ZNF785: variants seen among roughly 807,000 people sequenced by gnomAD.
ZNF785 encodes zinc finger protein 785.
Under a neutral mutation model 11.3 loss-of-function variants are expected in ZNF785, and 15 were observed. That is an observed-to-expected ratio of 1.32 (90% CI 0.89 to 2.04). ZNF785 has a LOEUF of 2.04. Among genes scored for constraint, ZNF785 ranks in the 30% most tolerant of loss-of-function variants. ZNF785 has a pLI of 0.00. For missense variants in ZNF785, 572 were observed against 560.9 expected, an observed-to-expected ratio of 1.02 and a Z score of -0.20; for synonymous variants, 221 against 231.0, an observed-to-expected ratio of 0.96 and a Z score of 0.39.
Position 30,585,455 on chromosome 16 carries a change from G to A in ZNF785, c.157C>T (p.Leu53=), listed in dbSNP as rs113006306. 1,370 of 1,603,170 alleles carry A rather than the reference G, an allele frequency of 8.5e-4. 18 individuals carry two copies. In the African/African-American group the frequency reaches 0.016, roughly 18 times the overall value. The change falls in exon 1 of 3, where the codon CTG becomes TTG. Residue 53 remains leucine (L), a synonymous_variant. Coordinates refer to ENST00000395216, the MANE Select transcript of ZNF785 (RefSeq NM_152458.7). This position sits in a 1 kb window ranked among gnomAD's most constrained non-coding sequence, Gnocchi z 4.0. ...WECLRPAQRA[L]YRDVMRETFG... ...GTCTCCCGCATCACGTCCCGGTACA[G>A]GGCCCTCTGCGCTGGCCGCAGGCAT...
At position 30,582,419 on chromosome 16, in the gene ZNF785, C is replaced by A; in HGVS notation, c.*141G>T. The A allele has an allele frequency of 8.1e-7, 1 of 1,232,506 alleles. No individual in the cohort carries two copies. The highest frequency in any genetic ancestry group is 1.1e-6 in the Non-Finnish European group (1 of 903,200). 76.3% of individuals were successfully genotyped at this position (1,232,506 alleles called of 1,614,324 possible). On this transcript the variant is annotated 3_prime_UTR_variant, in exon 3 of 3. Transcript: ENST00000395216. ...CAGATTCCTGCCTCCTCCCCACAGC[C>A]CTCTGTGCCCCTACCTCTGCTTTTT...
chr16:30,580,497 G>A (rs1284590984), downstream of ZNF785, among the ~76,000 whole-genome samples: 2 of 151,762 alleles, frequency 1.3e-5, no homozygotes, highest in South Asian at 2.1e-4. Flanking sequence ...TGGGACTACA[G>A]GCACCTGCCA....
rs1350865329 is a variant in ZNF785, at chr16:30,583,296, C to T, written c.482G>A (p.Trp161Ter). ...CNPRQSPMNPWLKDTLTRRLP... is the reference protein window; with the variant it reads ...CNPRQSPMNP Reference sequence around the variant, plus strand: ...TCTTCGGGTCAGAGTGTCCTTGAGCCAGGGATTCATGGGGCTCTGCCTAGG... The same window carrying T: ...TCTTCGGGTCAGAGTGTCCTTGAGCTAGGGATTCATGGGGCTCTGCCTAGG... The change falls in exon 3 of 3, where the codon TGG becomes TAG. Residue 161 changes from tryptophan to a stop codon, truncating the protein, a stop_gained. Coordinates refer to ENST00000395216, the MANE Select transcript of ZNF785 (RefSeq NM_152458.7). LOFTEE classifies it low-confidence loss of function (END_TRUNC). The T allele has an allele frequency of 1.2e-6, 2 of 1,613,940 alleles. No individual in the cohort carries two copies. Among genetic ancestry groups the T allele is most frequent in the African/African-American group, 1.3e-5 (1 of 75,038 alleles).
rs576516898 is a variant in ZNF785, at chr16:30,582,793, T to G, written c.985A>C (p.Ser329Arg). 1.6e-5 allele frequency: 26 copies of G among 1,606,936 alleles called. No individual in the cohort carries two copies. In the African/African-American group the frequency reaches 3.5e-4, roughly 21 times the overall value. ...CTGTCGGAGTGAATGCGCCGGTGAC[T>G]GAGGAGGAGGGAAGAATAGGTGAAG... ...RRFTYSSLLL[S>R]HRRIHSDSRP... The change falls in exon 3 of 3, where the codon AGT (serine) becomes CGT (arginine). Residue 329 changes from serine (S) to arginine (R), a missense_variant. Physicochemically the swap from Ser to Arg is moderately radical, Grantham distance 110. Coordinates refer to ENST00000395216, the MANE Select transcript of ZNF785 (RefSeq NM_152458.7).
chr16:30,582,758 G>C lies in ZNF785; in HGVS notation c.1020C>G (p.Phe340Leu), dbSNP rs752721935. ...HRRIHSDSRPFPCVECGKGFK... is the reference protein window; with the variant it reads ...HRRIHSDSRPLPCVECGKGFK... ...AGCCTTTCCCACACTCCACGCAGGG[G>C]AAGGGCCGGCTGTCGGAGTGAATGC... The change falls in exon 3 of 3, where the codon TTC (phenylalanine) becomes TTG (leucine). Residue 340 changes from phenylalanine (F) to leucine (L), a missense_variant. By Grantham distance (22) the Phe-to-Leu change is conservative. Transcript: ENST00000395216. 1 of 1,608,008 alleles carries C rather than the reference G, an allele frequency of 6.2e-7. No individual in the cohort carries two copies. Among genetic ancestry groups the C allele is most frequent in the South Asian group, 1.1e-5 (1 of 90,660 alleles).
In ZNF785 at chr16:30,585,530, C is replaced by G; in HGVS notation, c.82G>C (p.Ala28Pro). Reference protein sequence around the residue: ...PRRTRESRPGAVSFADVAVYF... With the variant: ...PRRTRESRPGPVSFADVAVYF... ...ACGGCCACGTCCGCGAAGCTCACGG[C>G]GCCCGGCCTGCTTTCCCTCGTCCTC... Residue 28 changes from alanine (A) to proline (P), a missense_variant, in exon 1 of 3, where the codon GCC becomes CCC. Transcript: ENST00000395216. This position sits in a 1 kb window ranked among gnomAD's most constrained non-coding sequence, Gnocchi z 4.0. 1 of 1,584,122 alleles carries G rather than the reference C, an allele frequency of 6.3e-7. No individual in the cohort carries two copies. The highest frequency in any genetic ancestry group is 8.6e-7 in the Non-Finnish European group (1 of 1,166,660).
chr16:30,582,889 A>C lies in ZNF785; in HGVS notation c.889T>G (p.Ser297Ala). The C allele has an allele frequency of 6.2e-7, 1 of 1,600,392 alleles. No individual in the cohort carries two copies. Among genetic ancestry groups the C allele is most frequent in the Non-Finnish European group, 8.5e-7 (1 of 1,176,236 alleles). Residue 297 changes from serine to alanine, a missense_variant, in exon 3 of 3, where the codon TCC becomes GCC. By Grantham distance (99) the Ser-to-Ala change is moderately conservative. Transcript: ENST00000395216. ...ATGCGCCTGTGGATGGCCAGCAGGGAGGTGTAGGCGAAACGGAGGCTGCAA... is the reference window on the plus strand; with the variant it reads ...ATGCGCCTGTGGATGGCCAGCAGGGCGGTGTAGGCGAAACGGAGGCTGCAA... Reference protein sequence around the residue: ...PDCSLRFAYTSLLAIHRRIHT... With the variant: ...PDCSLRFAYTALLAIHRRIHT...
In ZNF785 at chr16:30,582,912, C is replaced by A; in HGVS notation, c.866G>T (p.Cys289Phe). ...GGAGGTGTAGGCGAAACGGAGGCTG[C>A]AATCGGGGCAGCTGTAGGGCTTCTC... ...TGEKPYSCPD[C>F]SLRFAYTSLL... Residue 289 changes from cysteine to phenylalanine, a missense_variant, in exon 3 of 3, where the codon TGC becomes TTC. Cys to Phe is a radical substitution (Grantham distance 205). Transcript: ENST00000395216. 2 of 1,613,710 alleles carry A rather than the reference C, an allele frequency of 1.2e-6. No individual in the cohort carries two copies. The highest frequency in any genetic ancestry group is 1.7e-6 in the Non-Finnish European group (2 of 1,179,922).
chr16:30,585,077 G>A lies in ZNF785; in HGVS notation c.334+45C>T, dbSNP rs2051871584. 7.0e-6 allele frequency: 11 copies of A among 1,576,948 alleles called. No individual in the cohort carries two copies. The highest frequency in any genetic ancestry group is 8.6e-6 in the Non-Finnish European group (10 of 1,157,436). ...CGCTGAGGATGTGAGTGAGTTGGGG[G>A]CGGGGGTTGGGGCTTCTCCACGGCT... On this transcript the variant is annotated intron_variant, in intron 2 of 2. Transcript: ENST00000395216. This position sits in a 1 kb window ranked among gnomAD's most constrained non-coding sequence, Gnocchi z 4.0.
chr16:30,585,293 G>C lies in ZNF785; in HGVS notation c.206-43C>G, dbSNP rs1194900492. 1.2e-6 allele frequency: 2 copies of C among 1,608,634 alleles called. No individual in the cohort carries two copies. The highest frequency in any genetic ancestry group is 4.5e-5 in the East Asian group (2 of 44,778). ...TGGGCTCGGCTGAGCGCACGGGAGG[G>C]GAGAATGAGACTGCTCCCTCGGCGC... On this transcript the variant is annotated intron_variant, in intron 1 of 2. Coordinates refer to ENST00000395216, the MANE Select transcript of ZNF785 (RefSeq NM_152458.7). The surrounding 1 kb of genome is among the most constrained non-coding windows in gnomAD (Gnocchi z 4.0).
chr16:30,581,393 G>A lies in ZNF785; in HGVS notation c.*1167C>T, dbSNP rs2051806862. 6.7e-6 allele frequency: 1 copy of A among 150,306 alleles called. No homozygotes were observed. The highest frequency in any genetic ancestry group is 2.1e-4 in the South Asian group (1 of 4,754). The allele number at this position is 150,306 out of a possible 1,614,324, so 9.3% of individuals were successfully genotyped here. A position where few individuals can be genotyped will look rare whatever the true frequency, so the allele number is the denominator to read the frequency against. On this transcript the variant is annotated 3_prime_UTR_variant, in exon 3 of 3. Coordinates refer to ENST00000395216, the MANE Select transcript of ZNF785 (RefSeq NM_152458.7). ...GAGAATGGTGTGAACCCAGGAGGTG[G>A]AGCTTGCAGTGAGCGTAGCTTGGGC...
chr16:30,582,450 A>T lies in ZNF785; in HGVS notation c.*110T>A. 2.0e-6 allele frequency: 3 copies of T among 1,470,282 alleles called. No individual in the cohort carries two copies. The highest frequency in any genetic ancestry group is 2.7e-6 in the Non-Finnish European group (3 of 1,091,154). The allele number at this position is 1,470,282 out of a possible 1,614,324, so 91.1% of individuals were successfully genotyped here. A position where few individuals can be genotyped will look rare whatever the true frequency, so the allele number is the denominator to read the frequency against. ...TGCCCCTACCTCTGCTTTTTACCTA[A>T]GGCAGAACTTTGTTTTCCTCAAACG... On this transcript the variant is annotated 3_prime_UTR_variant, in exon 3 of 3. Coordinates refer to ENST00000395216, the MANE Select transcript of ZNF785 (RefSeq NM_152458.7).
chr16:30,579,680 C>A (rs2051782203), downstream of ZNF785: 1 of 417,634 alleles, frequency 2.4e-6, no homozygotes, highest in Non-Finnish European at 4.9e-6. Context: ...GTGCCCGGCA[C>A]CAGTTCCCAT....
Position 30,582,934 on chromosome 16 carries a change from T to C in ZNF785, c.844A>G (p.Lys282Glu), listed in dbSNP as rs1186336208. The change falls in exon 3 of 3, where the codon AAG becomes GAG. Residue 282 changes from lysine to glutamate, a missense_variant. Lys to Glu is a moderately conservative substitution (Grantham distance 56). Coordinates refer to ENST00000395216, the MANE Select transcript of ZNF785 (RefSeq NM_152458.7). ...CTGCAATCGGGGCAGCTGTAGGGCTTCTCGCCCGTGTGCTTGCGCTGGTGG... is the reference window on the plus strand; with the variant it reads ...CTGCAATCGGGGCAGCTGTAGGGCTCCTCGCCCGTGTGCTTGCGCTGGTGG... ...AIHQRKHTGE[K>E]PYSCPDCSLR... is the part of the protein sequence containing the mutation. 6.2e-7 allele frequency: 1 copy of C among 1,613,402 alleles called. No individual in the cohort carries two copies. The highest frequency in any genetic ancestry group is 1.7e-5 in the Admixed American group (1 of 59,936).
downstream of ZNF785, chr16:30,579,569 T>TG: frequency 3.5e-6 from 1 of 286,086 alleles, no homozygotes; most frequent in Admixed American, 4.2e-5. Flanking sequence ...TTGGTAGAGA[T>TG]GGGGTTTCAC....
Position 30,582,869 on chromosome 16 carries a change from C to T in ZNF785, c.909G>A (p.Arg303=). 10 of 1,613,212 alleles carry T rather than the reference C, an allele frequency of 6.2e-6. No homozygotes were observed. Among genetic ancestry groups the T allele is most frequent in the Non-Finnish European group, 8.5e-6 (10 of 1,179,704 alleles). ...FAYTSLLAIH[R]RIHTGEKPYP... ...AGGGCTTCTCGCCGGTGTGTATGCG[C>T]CTGTGGATGGCCAGCAGGGAGGTGT... The change falls in exon 3 of 3, where the codon AGG becomes AGA. Residue 303 remains arginine, a synonymous_variant. Transcript: ENST00000395216.
In ZNF785 at chr16:30,582,996, C is replaced by A. The variant is rs754260145; in HGVS notation, c.782G>T (p.Cys261Phe). 4.3e-6 allele frequency: 7 copies of A among 1,614,006 alleles called. No homozygotes were observed. In the Admixed American group the frequency reaches 5.0e-5, roughly 12 times the overall value. Residue 261 changes from cysteine to phenylalanine, a missense_variant, in exon 3 of 3, where the codon TGC becomes TTC. By Grantham distance (205) the Cys-to-Phe change is radical. Transcript: ENST00000395216. ...GTAGGGGTAAGTGAAGCGACTCTTG[C>A]AGTCTGAGCACGCGTAAGGCTTCTC... ...TGEKPYACSDCKSRFTYPYLL... is the reference protein window; with the variant it reads ...TGEKPYACSDFKSRFTYPYLL...
chr16:30,583,093 G>A lies in ZNF785; in HGVS notation c.685C>T (p.Pro229Ser), dbSNP rs757694122. The A allele has an allele frequency of 1.9e-6, 3 of 1,613,932 alleles. No homozygotes were observed. The highest frequency in any genetic ancestry group is 2.5e-6 in the Non-Finnish European group (3 of 1,180,014). The change falls in exon 3 of 3, where the codon CCC becomes TCC. Residue 229 changes from proline (P) to serine (S), a missense_variant. Transcript: ENST00000395216. ...AAGCGGCGCCCGCAGTCGGGGCAGGGGTAGGGCTTCTCGCCGGTGTGGATG... is the reference window on the plus strand; with the variant it reads ...AAGCGGCGCCCGCAGTCGGGGCAGGAGTAGGGCTTCTCGCCGGTGTGGATG... ...QFIHTGEKPYPCPDCGRRFRQ... is the reference protein window; with the variant it reads ...QFIHTGEKPYSCPDCGRRFRQ...
At position 30,585,661 on chromosome 16, in the gene ZNF785, T is replaced by C; in HGVS notation, c.-50A>G. 1 of 1,445,870 alleles carries C rather than the reference T, an allele frequency of 6.9e-7. No homozygotes were observed. Among genetic ancestry groups the C allele is most frequent in the Non-Finnish European group, 9.0e-7 (1 of 1,107,098 alleles). 89.6% of individuals were successfully genotyped at this position (1,445,870 alleles called of 1,614,324 possible). A position where few individuals can be genotyped will look rare whatever the true frequency, so the allele number is the denominator to read the frequency against. ...GGGAGGCTTCCGGGGAAGGTGGAGA[T>C]GCTGGCGCTTTCCTGTCTTTCCTCA... is the stretch of plus-strand genomic sequence containing the variant. On this transcript the variant is annotated 5_prime_UTR_variant, in exon 1 of 3. Coordinates refer to ENST00000395216, the MANE Select transcript of ZNF785 (RefSeq NM_152458.7). The surrounding 1 kb of genome is among the most constrained non-coding windows in gnomAD (Gnocchi z 4.0).
Sources: allele counts gnomAD v4.1 joint callset (sites outside exome capture counted in the v4.1 genomes callset), GRCh38; gene constraint gnomAD v4.1.1; non-coding constraint Gnocchi (gnomAD v3.1); transcripts MANE v1.5; gene names NCBI Gene and HGNC (gene_info 2026-07-23, HGNC 2026-07-21).